ASCC3: variants seen among roughly 807,000 people sequenced by gnomAD.
The protein encoded by ASCC3 is activating signal cointegrator 1 complex subunit 3.
ASCC3 carries 158 observed loss-of-function variants against 256.3 expected under a neutral mutation model. The ratio of observed to expected loss-of-function variants is 0.62; its 90% CI spans 0.54 to 0.70. ASCC3 has a LOEUF of 0.70. Among genes scored for constraint, ASCC3 ranks in the 30% least tolerant of loss-of-function variants. The pLI, the probability that ASCC3 is intolerant of heterozygous loss-of-function variation, is 0.00. For missense variants in ASCC3, 2,259 were observed against 2,626.0 expected (o/e 0.86, Z 3.05); for synonymous variants, 948 against 883.4 (o/e 1.07, Z -1.30).
chr6:100,661,347 A>G (rs1776187795), intron 16 of ASCC3, among the ~76,000 whole-genome samples: 1 of 151,488 alleles, frequency 6.6e-6, no homozygotes, highest in Non-Finnish European at 1.5e-5. Context: ...ACACACACAC[A>G]CACACACACA....
At chr6:100,869,790 A>G (rs771663736) in intron 1 of ASCC3, among the ~76,000 whole-genome samples, 25 of 152,198 alleles carry the variant, frequency 1.6e-4, no homozygotes, top group Non-Finnish European at 3.2e-4. Context: ...TAGGAAAGGA[A>G]AGGCTGAAAG....
chr6:100,518,003 A>C lies in ASCC3; in HGVS notation c.5915T>G (p.Leu1972Arg), dbSNP rs767520036. ...GTAAAACAATTACTTGAAAAGGTGA[A>C]GATGATGGTTTTCTATGTTTGGTAG... ...LTLPNIENHH[L>R]HLFKKWKPIM... The change falls in exon 38 of 42, where the codon CTT becomes CGT. Residue 1972 changes from leucine to arginine, a missense_variant. Coordinates refer to ENST00000369162, the MANE Select transcript of ASCC3 (RefSeq NM_006828.4). 15 of 1,613,330 alleles carry C rather than the reference A, an allele frequency of 9.3e-6. No homozygotes were observed. Among genetic ancestry groups the C allele is most frequent in the Non-Finnish European group, 1.3e-5 (15 of 1,179,522 alleles).
chr6:100,754,214 GT>G (rs1468499963), intron 10 of ASCC3, among the ~76,000 whole-genome samples: 1 of 152,110 alleles, frequency 6.6e-6, no homozygotes, highest in Non-Finnish European at 1.5e-5. Context: ...GAAATTATAA[GT>G]GTTGACAAAA....
chr6:100,785,581 T>TA (rs1437488094), intron 8 of ASCC3, among the ~76,000 whole-genome samples: 3 of 152,100 alleles, frequency 2.0e-5, no homozygotes, highest in Middle Eastern at 6.4e-3. Flanking sequence ...TTTTTAATTT[T>TA]AAAAAATATG....
chr6:100,701,402 T>C lies in ASCC3; in HGVS notation c.2151+14060A>G, dbSNP rs139798128. Among the ~76,000 whole-genome samples the C allele has an allele frequency of 0.013, 1,947 of 152,194 alleles. 99 individuals carry two copies. In the East Asian group the frequency reaches 0.15, roughly 11 times the overall value. On this transcript the variant is annotated intron_variant, in intron 13 of 41. Transcript: ENST00000369162. ...ACCATCCATGTAAGATGTGACTTGC[T>C]CCTCCTTGCCTTTTGCCATGATTGT...
chr6:100,853,420 CTTTTT>C (rs11299576), intron 3 of ASCC3, among the ~76,000 whole-genome samples: 2 of 127,664 alleles, frequency 1.6e-5, no homozygotes, highest in East Asian at 2.3e-4. Context: ...ATAAATATTC[CTTTTT>C]TTTTTTTTTT....
At chr6:100,594,627 G>C (rs1266454382) in intron 34 of ASCC3, among the ~76,000 whole-genome samples, 1 of 152,076 alleles carries the variant, frequency 6.6e-6, no homozygotes. Context: ...AGTATGGATA[G>C]TTCCTAAAAA....
intron 3 of ASCC3, among the ~76,000 whole-genome samples, chr6:100,854,199 A>G (rs1582966483): frequency 6.6e-6 from 1 of 152,026 alleles, no homozygotes; most frequent in African/African-American, 2.4e-5. Context: ...CCATCTTTCA[A>G]ATGATCACAA....
At chr6:100,713,861 G>A (rs1338913760) in intron 13 of ASCC3, among the ~76,000 whole-genome samples, 1 of 152,068 alleles carries the variant, frequency 6.6e-6, no homozygotes, top group Non-Finnish European at 1.5e-5. Flanking sequence ...TCTAAAACTT[G>A]GAAATAAATG....
At chr6:100,593,679 T>TA (rs1772122681) in intron 34 of ASCC3, among the ~76,000 whole-genome samples, 1 of 152,058 alleles carries the variant, frequency 6.6e-6, no homozygotes. Flanking sequence ...TAACTGTCAG[T>TA]AGTGGGAAGT....
At chr6:100,708,576 T>A (rs1158932868) in intron 13 of ASCC3, among the ~76,000 whole-genome samples, 3 of 151,886 alleles carry the variant, frequency 2.0e-5, no homozygotes, top group Non-Finnish European at 4.4e-5. Flanking sequence ...TGGAGACAGT[T>A]TGGGTTGTGA....
In ASCC3 at chr6:100,653,816, A is replaced by C. The variant is rs187026376; in HGVS notation, c.2824-927T>G. The stretch of plus-strand genomic sequence containing the variant: ...AATAAAACATAAGATATTAACAAAT[A>C]TTCTTGTTACTATAGTATTGTGTAT... On this transcript the variant is annotated intron_variant, in intron 17 of 41. Transcript: ENST00000369162. Among the ~76,000 whole-genome samples, 300 of 152,204 alleles carry C rather than the reference A, an allele frequency of 2.0e-3. 4 individuals are homozygous for C. Among genetic ancestry groups the C allele is most frequent in the Admixed American group, 0.018 (276 of 15,292 alleles).
intron 30 of ASCC3, among the ~76,000 whole-genome samples, chr6:100,617,265 C>T (rs1300722541): frequency 6.6e-6 from 1 of 152,140 alleles, no homozygotes; most frequent in Non-Finnish European, 1.5e-5. Context: ...GCCTCGGCCT[C>T]CCAAAGTGCT....
chr6:100,861,231 A>G (rs1372880630), intron 3 of ASCC3, among the ~76,000 whole-genome samples: 4 of 152,116 alleles, frequency 2.6e-5, no homozygotes, highest in Non-Finnish European at 5.9e-5. Flanking sequence ...TTCAACACAT[A>G]CAAACCACAG....
At chr6:100,627,479 G>C (rs1582589858) in intron 29 of ASCC3, 111 bp downstream of exon 29, 3 of 1,386,722 alleles carry the variant, frequency 2.2e-6, no homozygotes, top group Admixed American at 1.8e-5. Context: ...TTAGATATAC[G>C]TAGAAGCTGG....
intron 34 of ASCC3, among the ~76,000 whole-genome samples, chr6:100,593,832 AG>A (rs972483513): frequency 2.0e-5 from 3 of 152,134 alleles, no homozygotes; most frequent in Admixed American, 1.3e-4. Flanking sequence ...GGGAAAACAG[AG>A]TAAAACTGAA....
intron 12 of ASCC3, among the ~76,000 whole-genome samples, chr6:100,715,957 TACG>T (rs1018857905): frequency 6.6e-6 from 1 of 151,818 alleles, no homozygotes; most frequent in Admixed American, 6.6e-5. Flanking sequence ...GCGAGAACAC[TACG>T]GATCAAGTGT....
chr6:100,874,464 CAAA>C (rs530326162), intron 1 of ASCC3, among the ~76,000 whole-genome samples: 2 of 77,634 alleles, frequency 2.6e-5, no homozygotes, highest in Non-Finnish European at 2.3e-5. Flanking sequence ...GACTCTGTCT[CAAA>C]AAAAAAAAAA....
chr6:100,616,446 C>T (rs892787473), intron 30 of ASCC3, among the ~76,000 whole-genome samples: 1 of 152,206 alleles, frequency 6.6e-6, no homozygotes, highest in African/African-American at 2.4e-5. Context: ...ATAATTGGCA[C>T]ATTCAAAAAA....
Sources: allele counts gnomAD v4.1 joint callset (sites outside exome capture counted in the v4.1 genomes callset), GRCh38; gene constraint gnomAD v4.1.1; transcripts MANE v1.5; gene names NCBI Gene and HGNC (gene_info 2026-07-23, HGNC 2026-07-21).